The following DEUP1 variants were observed in gnomAD, a reference collection of about 807,000 sequenced individuals.
The protein encoded by DEUP1 is deuterosome assembly protein 1.
In DEUP1, 82 loss-of-function variants were observed where a neutral mutation model predicts 87.4. The observed-to-expected ratio is 0.94, with a 90% CI of 0.78 to 1.13. The LOEUF (loss-of-function observed/expected upper bound fraction) is 1.13, where lower values mean the gene tolerates loss of function less well. Ranked by LOEUF, DEUP1 falls within the 50% of genes most tolerant of loss-of-function variation. DEUP1 has a pLI of 0.00. For missense variants in DEUP1, 663 were observed against 681.5 expected (o/e 0.97, Z 0.30); for synonymous variants, 214 against 222.7 (o/e 0.96, Z 0.35).
chr11:93,402,502 C>G (rs887926063), intron 11 of DEUP1, among the ~76,000 whole-genome samples: 1 of 151,946 alleles, frequency 6.6e-6, no homozygotes, highest in African/African-American at 2.4e-5. Flanking sequence ...AATTCCACTA[C>G]TGGGTATATA....
At chr11:93,388,879 T>G (rs1230331602) in intron 8 of DEUP1, 141 bp from the exon 9 acceptor site, 3 of 563,838 alleles carry the variant, frequency 5.3e-6, no homozygotes, top group Non-Finnish European at 9.4e-6. Flanking sequence ...TATTAGAACT[T>G]GCAATTTCTG....
chr11:93,385,581 CA>C, intron 8 of DEUP1, 38 bp downstream of exon 8: 1 of 1,496,364 alleles, frequency 6.7e-7, no homozygotes, highest in Non-Finnish European at 9.0e-7. Context: ...GAGAACTGTT[CA>C]AAACATGATG....
intron 4 of DEUP1, among the ~76,000 whole-genome samples, chr11:93,359,206 A>G (rs1199569973): frequency 6.6e-6 from 1 of 152,170 alleles, no homozygotes; most frequent in African/African-American, 2.4e-5. Flanking sequence ...CTCACTCTAC[A>G]GCTTCTTCCT....
At chr11:93,347,380 G>T (rs1944407413) in intron 2 of DEUP1, among the ~76,000 whole-genome samples, 1 of 152,164 alleles carries the variant, frequency 6.6e-6, no homozygotes, top group Non-Finnish European at 1.5e-5. Context: ...CTTGAGCGTG[G>T]TGGATAAGTT....
intron 7 of DEUP1, among the ~76,000 whole-genome samples, chr11:93,378,449 G>A (rs944708563): frequency 6.6e-6 from 1 of 151,862 alleles, no homozygotes; most frequent in African/African-American, 2.4e-5. Context: ...TTCATTTCCA[G>A]AAGTTGTGAT....
intron 2 of DEUP1, among the ~76,000 whole-genome samples, chr11:93,340,939 G>A (rs534403889): frequency 1.3e-5 from 2 of 152,322 alleles, no homozygotes; most frequent in South Asian, 4.1e-4. Flanking sequence ...ATAGCTGTTT[G>A]TGGTCACCTT....
intron 7 of DEUP1, among the ~76,000 whole-genome samples, chr11:93,384,512 C>G (rs1946445073): frequency 6.6e-6 from 1 of 152,226 alleles, no homozygotes. Flanking sequence ...CTACTCTCTT[C>G]TAATGGGTCC....
intron 7 of DEUP1, among the ~76,000 whole-genome samples, chr11:93,372,651 A>G (rs906965216): frequency 6.6e-6 from 1 of 152,200 alleles, no homozygotes; most frequent in African/African-American, 2.4e-5. Flanking sequence ...AGTCTCTCCC[A>G]TTCAGAGGCA....
intron 13 of DEUP1, among the ~76,000 whole-genome samples, chr11:93,432,459 C>G (rs1451793770): frequency 1.3e-5 from 2 of 152,162 alleles, no homozygotes; most frequent in Non-Finnish European, 2.9e-5. Context: ...TTGCAGTGTT[C>G]ACTGACCACA....
At chr11:93,436,042 C>G (rs1268489009) in intron 13 of DEUP1, among the ~76,000 whole-genome samples, 1 of 151,548 alleles carries the variant, frequency 6.6e-6, no homozygotes, top group East Asian at 1.9e-4. Context: ...ATAAATGAAT[C>G]AGATTATTCA....
At chr11:93,355,990 G>T (rs2124559) in intron 3 of DEUP1, among the ~76,000 whole-genome samples, 80,469 of 151,948 alleles carry the variant, frequency 0.53, 21,653 homozygotes, top group Admixed American at 0.65. Context: ...TTTGGTAAAG[G>T]GGTGTGTGTA....
chr11:93,407,620 A>G (rs1947316375), intron 11 of DEUP1, among the ~76,000 whole-genome samples: 1 of 152,078 alleles, frequency 6.6e-6, no homozygotes, highest in South Asian at 2.1e-4. Flanking sequence ...GTAGTATGGA[A>G]TATTTATTTT....
chr11:93,418,162 A>G (rs1356186273), intron 13 of DEUP1, among the ~76,000 whole-genome samples: 1 of 152,118 alleles, frequency 6.6e-6, no homozygotes, highest in Non-Finnish European at 1.5e-5. Flanking sequence ...AATGGCAACA[A>G]AAGCCAAAAT....
At chr11:93,350,035 T>G (rs1212304111) in intron 2 of DEUP1, among the ~76,000 whole-genome samples, 2 of 152,110 alleles carry the variant, frequency 1.3e-5, no homozygotes, top group Non-Finnish European at 2.9e-5. Flanking sequence ...AGGAGTATAT[T>G]TGGCTTTCTC....
chr11:93,387,958 A>T (rs967137914), intron 8 of DEUP1, among the ~76,000 whole-genome samples: 9 of 152,232 alleles, frequency 5.9e-5, no homozygotes, highest in Non-Finnish European at 1.3e-4. Flanking sequence ...CGCACATAAA[A>T]ATGCTAATGA....
At chr11:93,402,126 C>T (rs1382016115) in intron 11 of DEUP1, among the ~76,000 whole-genome samples, 4 of 151,286 alleles carry the variant, frequency 2.6e-5, no homozygotes, top group Admixed American at 1.3e-4. Flanking sequence ...GAATTAATAA[C>T]CAAAATATAT....
At chr11:93,429,760 G>T (rs774210306) in intron 13 of DEUP1, among the ~76,000 whole-genome samples, 3 of 152,152 alleles carry the variant, frequency 2.0e-5, no homozygotes, top group Non-Finnish European at 4.4e-5. Flanking sequence ...ACATGCAGAA[G>T]TATCTGTTGA....
chr11:93,388,225 C>G (rs1565327294), intron 8 of DEUP1, among the ~76,000 whole-genome samples: 1 of 152,072 alleles, frequency 6.6e-6, no homozygotes, highest in Non-Finnish European at 1.5e-5. Context: ...GGTGTGAAAT[C>G]TTCTCAAAAG....
chr11:93,433,030 A>AAGTCT (rs1486679815), intron 13 of DEUP1, among the ~76,000 whole-genome samples: 1 of 152,124 alleles, frequency 6.6e-6, no homozygotes, highest in African/African-American at 2.4e-5. Flanking sequence ...TATAACTTCC[A>AAGTCT]AGTCTGTCTC....
Sources: allele counts gnomAD v4.1 joint callset (sites outside exome capture counted in the v4.1 genomes callset), GRCh38; gene constraint gnomAD v4.1.1; transcripts MANE v1.5; gene names NCBI Gene and HGNC (gene_info 2026-07-23, HGNC 2026-07-21).